The following ESRRB variants were observed in gnomAD, a reference collection of about 807,000 sequenced individuals.
The protein encoded by ESRRB is steroid hormone receptor ERR2.
Under a neutral mutation model 46.0 loss-of-function variants are expected in ESRRB, and 16 were observed. The ratio of observed to expected loss-of-function variants is 0.35; its 90% confidence interval spans 0.24 to 0.53. The LOEUF (loss-of-function observed/expected upper bound fraction) is 0.53, where lower values mean the gene tolerates loss of function less well. Ranked by LOEUF, ESRRB falls within the 20% of genes least tolerant of loss-of-function variation. The pLI, the probability that ESRRB is intolerant of heterozygous loss-of-function variation, is 0.93. For synonymous variants in ESRRB, 246 were observed against 259.6 expected (o/e 0.95, Z 0.50); for missense variants, 488 against 607.4 (o/e 0.80, Z 2.07).
At chr14:76,323,286 G>GTC (rs921337514) in intron 1 of ESRRB, among the ~76,000 whole-genome samples, 61 of 149,550 alleles carry the variant, frequency 4.1e-4, no homozygotes, top group African/African-American at 1.3e-3. Flanking sequence ...CCAGTTTTTG[G>GTC]TCTCTCTCTC....
intron 1 of ESRRB, among the ~76,000 whole-genome samples, chr14:76,392,764 A>G (rs368547232): frequency 1.3e-5 from 2 of 152,224 alleles, no homozygotes; most frequent in Admixed American, 6.5e-5. Context: ...GAGGGTCAGG[A>G]CATCTGGAAG....
At chr14:76,455,149 G>A (rs1224499287) in intron 2 of ESRRB, among the ~76,000 whole-genome samples, 7 of 152,098 alleles carry the variant, frequency 4.6e-5, no homozygotes, top group Admixed American at 2.6e-4. Flanking sequence ...CCTGGGAGGC[G>A]GAGGCTGCAG....
chr14:76,358,334 AG>A, intron 1 of ESRRB, among the ~76,000 whole-genome samples: 5 of 17,066 alleles, frequency 2.9e-4, no homozygotes, highest in Non-Finnish European at 5.1e-4. Context: ...AAAGAAAGAA[AG>A]AAAGAAAGAA....
intron 1 of ESRRB, among the ~76,000 whole-genome samples, chr14:76,382,758 C>CCT (rs1371797668): frequency 1.3e-5 from 2 of 152,130 alleles, no homozygotes; most frequent in African/African-American, 4.8e-5. Flanking sequence ...CAAAAGTTTT[C>CCT]CTGGGGCTCA....
At chr14:76,367,017 C>T (rs1258196712), upstream of ESRRB, among the ~76,000 whole-genome samples, 1 of 152,116 alleles carries the variant, frequency 6.6e-6, no homozygotes, top group South Asian at 2.1e-4. Context: ...AAGCGATTTG[C>T]GGACTGGCTG....
At chr14:76,317,671 G>A (rs1038465718) in intron 1 of ESRRB, among the ~76,000 whole-genome samples, 4 of 152,180 alleles carry the variant, frequency 2.6e-5, no homozygotes, top group African/African-American at 9.7e-5. Context: ...TAGTCGGAAG[G>A]ATGGCCCAGT....
chr14:76,496,114 G>A (rs1368894663), intron 6 of ESRRB, among the ~76,000 whole-genome samples: 6 of 152,190 alleles, frequency 3.9e-5, no homozygotes, highest in Admixed American at 2.0e-4. Context: ...GTGCAGTGAC[G>A]CACATAAGGC....
intron 1 of ESRRB, among the ~76,000 whole-genome samples, chr14:76,420,719 C>T (rs373176990): frequency 6.6e-6 from 1 of 152,236 alleles, no homozygotes; most frequent in African/African-American, 2.4e-5. Flanking sequence ...AACCAAAACA[C>T]ACAGAGGTTG....
At position 76,482,092 on chromosome 14, in the gene ESRRB, G is replaced by T. The variant is rs373006116; in HGVS notation, c.654G>T (p.Leu218=). Residue 218 remains leucine, a synonymous_variant, in exon 4 of 7, where the codon CTG becomes CTT. Coordinates refer to ENST00000644823, the MANE Select transcript of ESRRB (RefSeq NM_001379180.1). This position sits in a 1 kb window ranked among gnomAD's most constrained non-coding sequence, Gnocchi z 4.3. ...RRLDSESSPY[L]SLQISPPAKK... ...TGGACTCAGAGAGCAGCCCATACCTGAGCTTACAAATTTCTCCACCTGCTA... is the reference window on the plus strand; with the variant it reads ...TGGACTCAGAGAGCAGCCCATACCTTAGCTTACAAATTTCTCCACCTGCTA... 36 of 1,614,200 alleles carry T rather than the reference G, an allele frequency of 2.2e-5. No individual in the cohort carries two copies. In the African/African-American group the frequency reaches 4.4e-4, roughly 20 times the overall value.
At chr14:76,366,858 G>A (rs1884528104), upstream of ESRRB, among the ~76,000 whole-genome samples, 1 of 152,136 alleles carries the variant, frequency 6.6e-6, no homozygotes, top group Non-Finnish European at 1.5e-5. Context: ...GGACCTGTGT[G>A]GGGCTCTGCA....
intron 1 of ESRRB, among the ~76,000 whole-genome samples, chr14:76,348,502 G>T (rs1326044114): frequency 6.6e-6 from 1 of 152,188 alleles, no homozygotes; most frequent in African/African-American, 2.4e-5. Context: ...ACCTGTGCAA[G>T]ACCTCAGAAT....
At chr14:76,387,497 G>C (rs75165076) in intron 1 of ESRRB, among the ~76,000 whole-genome samples, 6,569 of 152,270 alleles carry the variant, frequency 0.043, 218 homozygotes, top group East Asian at 0.13. Flanking sequence ...AGCAGCTCTG[G>C]TTTTCACCTT....
chr14:76,475,153 G>A (rs1889529160), intron 3 of ESRRB, among the ~76,000 whole-genome samples: 1 of 152,016 alleles, frequency 6.6e-6, no homozygotes, highest in Non-Finnish European at 1.5e-5. Flanking sequence ...AAGATCTCTT[G>A]AGGCTGGGAG....
intron 1 of ESRRB, among the ~76,000 whole-genome samples, chr14:76,319,221 C>A (rs1883839138): frequency 6.6e-6 from 1 of 152,246 alleles, no homozygotes; most frequent in Non-Finnish European, 1.5e-5. Context: ...ATTCCTCTTC[C>A]CTGCGTAGCA....
chr14:76,466,981 A>G (rs1889141759), intron 3 of ESRRB, among the ~76,000 whole-genome samples: 1 of 151,904 alleles, frequency 6.6e-6, no homozygotes, highest in Non-Finnish European at 1.5e-5. Flanking sequence ...CAGCCTCCCA[A>G]AGTGCTGGGA....
chr14:76,469,256 G>C, intron 3 of ESRRB, among the ~76,000 whole-genome samples: 1 of 152,120 alleles, frequency 6.6e-6, no homozygotes, highest in East Asian at 1.9e-4. Context: ...ACCATGCCCA[G>C]CTAAGTTTTT....
At chr14:76,402,749 G>A (rs2139843364) in intron 1 of ESRRB, among the ~76,000 whole-genome samples, 1 of 152,190 alleles carries the variant, frequency 6.6e-6, no homozygotes, top group South Asian at 2.1e-4. Flanking sequence ...GCCCAGGCTG[G>A]CCTCGAACTC....
rs145018097 is a variant in ESRRB, at chr14:76,398,797, C to G, written c.50+22346C>G. On this transcript the variant is annotated intron_variant, in intron 1 of 6. Coordinates refer to ENST00000644823, the MANE Select transcript of ESRRB (RefSeq NM_001379180.1). Reference sequence around the variant, plus strand: ...CCTTTTACAAGTGTTGAAACTGAGGCTGTGTGCCTTGCTCAGGTTGCTGAG... The same window carrying G: ...CCTTTTACAAGTGTTGAAACTGAGGGTGTGTGCCTTGCTCAGGTTGCTGAG... Among the ~76,000 whole-genome samples, 1,035 of 152,284 alleles carry G rather than the reference C, an allele frequency of 6.8e-3. 18 individuals are homozygous for G. The highest frequency in any genetic ancestry group is 0.024 in the African/African-American group (982 of 41,548).
At chr14:76,385,361 C>T (rs1039002437) in intron 1 of ESRRB, among the ~76,000 whole-genome samples, 7 of 152,180 alleles carry the variant, frequency 4.6e-5, no homozygotes, top group South Asian at 2.1e-4. Context: ...CCCCCTCAAT[C>T]GGTGAGAAAT....
Sources: gnomAD v4.1 joint callset for allele counts (sites outside exome capture counted in the v4.1 genomes callset) on GRCh38, gnomAD v4.1.1 for gene constraint, Gnocchi (gnomAD v3.1) non-coding constraint, MANE v1.5 for transcripts, NCBI Gene and HGNC (gene_info 2026-07-23, HGNC 2026-07-21) for gene names.